LRP12: variants seen among roughly 807,000 people sequenced by gnomAD.
The protein encoded by LRP12 is low-density lipoprotein receptor-related protein 12.
Under a neutral mutation model 66.0 loss-of-function variants are expected in LRP12, and 14 were observed. The observed-to-expected ratio is 0.21, with a 90% CI of 0.14 to 0.33. The LOEUF (loss-of-function observed/expected upper bound fraction) is 0.33, where lower values mean the gene tolerates loss of function less well. LRP12 is among the 10% of genes least tolerant of loss of function. The probability of loss-of-function intolerance (pLI) is 1.00; values close to 1 mark genes in which losing one functional copy is unlikely to be tolerated. For synonymous variants in LRP12, 357 were observed against 359.1 expected (o/e 0.99, Z 0.07); for missense variants, 889 against 1,053.4 (o/e 0.84, Z 2.16).
intron 3 of LRP12, among the ~76,000 whole-genome samples, chr8:104,500,952 A>G (rs1001778666): frequency 5.3e-5 from 8 of 152,230 alleles, no homozygotes; most frequent in Admixed American, 2.0e-4. Context: ...TTCTATTTTT[A>G]AAAATGTTTT....
intron 4 of LRP12, among the ~76,000 whole-genome samples, chr8:104,498,641 T>C (rs112383958): frequency 0.012 from 1,840 of 152,312 alleles, 35 homozygotes; most frequent in African/African-American, 0.041. Context: ...TGATGGGCAT[T>C]TGGTTTGATT....
At chr8:104,512,730 G>C (rs1022809424) in intron 2 of LRP12, among the ~76,000 whole-genome samples, 3 of 152,088 alleles carry the variant, frequency 2.0e-5, no homozygotes, top group African/African-American at 7.2e-5. Flanking sequence ...AAACCCATAG[G>C]TGGTGCTCTT....
At chr8:104,500,722 A>C (rs564478910) in intron 3 of LRP12, among the ~76,000 whole-genome samples, 4 of 152,200 alleles carry the variant, frequency 2.6e-5, no homozygotes, top group East Asian at 1.9e-4. Flanking sequence ...AAAACCAAAC[A>C]AAACCAAACA....
chr8:104,583,163 C>T (rs1747302849), intron 1 of LRP12, among the ~76,000 whole-genome samples: 2 of 152,142 alleles, frequency 1.3e-5, no homozygotes, highest in South Asian at 2.1e-4. Flanking sequence ...CAATACTCCA[C>T]ATAGTAGCAA....
intron 3 of LRP12, among the ~76,000 whole-genome samples, chr8:104,500,238 C>G (rs1810804791): frequency 6.6e-6 from 1 of 152,030 alleles, no homozygotes; most frequent in African/African-American, 2.4e-5. Flanking sequence ...TATGCCTCAC[C>G]AAAAAGTAAA....
intron 2 of LRP12, among the ~76,000 whole-genome samples, chr8:104,512,480 A>T (rs1230879451): frequency 6.6e-6 from 1 of 152,202 alleles, no homozygotes; most frequent in Non-Finnish European, 1.5e-5. Context: ...CGTTAAAGAG[A>T]CTAATACAAT....
At chr8:104,499,206 C>G in intron 4 of LRP12, 111 bp downstream of exon 4, 1 of 799,796 alleles carries the variant, frequency 1.3e-6, no homozygotes. Flanking sequence ...TCAGCTGCCT[C>G]AAGGGCCTAC....
At chr8:104,491,662 TG>T in intron 6 of LRP12, 123 bp from the exon 7 acceptor site, 1 of 791,538 alleles carries the variant, frequency 1.3e-6, no homozygotes, top group Non-Finnish European at 1.9e-6. Flanking sequence ...TTGTTGCTTT[TG>T]GGTCTAAGAA....
intron 1 of LRP12, among the ~76,000 whole-genome samples, chr8:104,548,612 AAATT>A (rs1210681557): frequency 9.0e-6 from 1 of 110,672 alleles, no homozygotes; most frequent in Non-Finnish European, 1.8e-5. Context: ...TTATATAATT[AAATT>A]AATTATATAA....
chr8:104,519,567 G>A (rs115476414), intron 2 of LRP12, among the ~76,000 whole-genome samples: 4,653 of 152,026 alleles, frequency 0.031, 238 homozygotes, highest in African/African-American at 0.11. Flanking sequence ...TGCTCTAAAA[G>A]ATTCTGGAGC....
intron 1 of LRP12, among the ~76,000 whole-genome samples, chr8:104,581,325 A>G (rs978023347): frequency 6.6e-6 from 1 of 152,202 alleles, no homozygotes; most frequent in African/African-American, 2.4e-5. Context: ...ATCAGAAAAA[A>G]TAACTACTGG....
intron 1 of LRP12, among the ~76,000 whole-genome samples, chr8:104,588,470 C>T (rs1340556607): frequency 1.3e-5 from 2 of 152,208 alleles, no homozygotes; most frequent in Admixed American, 6.5e-5. Context: ...AGTCAAGCAT[C>T]TTTGTGTGTG....
intron 2 of LRP12, among the ~76,000 whole-genome samples, chr8:104,521,831 C>G (rs982951434): frequency 2.6e-5 from 4 of 151,820 alleles, no homozygotes; most frequent in African/African-American, 9.7e-5. Context: ...GTCAAAAGAA[C>G]TAGTGAAATT....
chr8:104,503,619 T>C (rs929303957), intron 3 of LRP12, among the ~76,000 whole-genome samples: 19 of 152,168 alleles, frequency 1.2e-4, no homozygotes, highest in Admixed American at 1.0e-3. Context: ...TCTTAAACTT[T>C]TGACCATTTA....
chr8:104,534,659 A>C (rs186911035), intron 1 of LRP12, among the ~76,000 whole-genome samples: 38 of 152,144 alleles, frequency 2.5e-4, no homozygotes, highest in Middle Eastern at 3.4e-3. Context: ...ACTCTAGCTT[A>C]AAAACAATAC....
intron 1 of LRP12, among the ~76,000 whole-genome samples, chr8:104,535,600 G>C (rs1488270041): frequency 1.3e-5 from 2 of 151,946 alleles, no homozygotes; most frequent in African/African-American, 4.8e-5. Flanking sequence ...CAAATCCTAA[G>C]TGCCTTACAA....
At chr8:104,498,115 A>G (rs747407472) in intron 4 of LRP12, 39 bp from the exon 5 acceptor site, 11 of 1,508,724 alleles carry the variant, frequency 7.3e-6, no homozygotes, top group Non-Finnish European at 9.8e-6. Context: ...AAAGAGAAGG[A>G]GAAAAATTAT....
chr8:104,570,354 G>A (rs1002994213), intron 1 of LRP12, among the ~76,000 whole-genome samples: 1 of 152,128 alleles, frequency 6.6e-6, no homozygotes, highest in African/African-American at 2.4e-5. Context: ...TGAAAGGATT[G>A]CATACGCTAC....
At chr8:104,578,285 A>C (rs745923581) in intron 1 of LRP12, among the ~76,000 whole-genome samples, 3 of 152,192 alleles carry the variant, frequency 2.0e-5, no homozygotes, top group Non-Finnish European at 4.4e-5. Flanking sequence ...AAACTAGAAA[A>C]ATCTAGAAGA....
Sources: allele counts gnomAD v4.1 joint callset (sites outside exome capture counted in the v4.1 genomes callset), GRCh38; gene constraint gnomAD v4.1.1; transcripts MANE v1.5; gene names NCBI Gene and HGNC (gene_info 2026-07-23, HGNC 2026-07-21).